Variants in ZNF385D observed in about 807,000 individuals in gnomAD.
ZNF385D encodes the protein zinc finger protein 385D.
A neutral mutation model predicts 35.8 loss-of-function variants in ZNF385D; 15 were observed. That is an observed-to-expected ratio of 0.42 (90% CI 0.28 to 0.64). The LOEUF is 0.64. Among genes scored for constraint, ZNF385D ranks in the 30% least tolerant of loss-of-function variants. ZNF385D has a pLI of 0.23. For synonymous variants in ZNF385D, 212 were observed against 186.8 expected, an observed-to-expected ratio of 1.13 and a Z score of -1.10; for missense variants, 474 against 494.6, an observed-to-expected ratio of 0.96 and a Z score of 0.39.
chr3:21,622,735 A>T (rs943788833), intron 2 of ZNF385D, among the ~76,000 whole-genome samples: 1 of 152,058 alleles, frequency 6.6e-6, no homozygotes, highest in African/African-American at 2.4e-5. Flanking sequence ...TTTTCATCTA[A>T]AATAATGTGG....
At chr3:22,126,888 T>C (rs948501859) in intron 3 of ZNF385D, among the ~76,000 whole-genome samples, 1 of 152,154 alleles carries the variant, frequency 6.6e-6, no homozygotes, top group African/African-American at 2.4e-5. Flanking sequence ...AATTGGTATA[T>C]CATCTTGATG....
chr3:21,831,864 T>C (rs537150471), intron 3 of ZNF385D, among the ~76,000 whole-genome samples: 2 of 152,304 alleles, frequency 1.3e-5, no homozygotes, highest in African/African-American at 4.8e-5. Flanking sequence ...TGTACTGATA[T>C]CAAAATAAGC....
intron 4 of ZNF385D, among the ~76,000 whole-genome samples, chr3:21,456,898 C>A (rs1013045307): frequency 6.6e-6 from 1 of 152,064 alleles, no homozygotes; most frequent in Admixed American, 6.6e-5. Flanking sequence ...AAATTGCTAC[C>A]TTTCTACCCA....
chr3:21,785,441 T>C (rs1277516930), intron 3 of ZNF385D, among the ~76,000 whole-genome samples: 7 of 152,148 alleles, frequency 4.6e-5, no homozygotes, highest in Non-Finnish European at 1.0e-4. Context: ...ATTTGCCCTC[T>C]TAGCAAATTT....
chr3:22,244,598 C>T (rs1271173181), intron 2 of ZNF385D, among the ~76,000 whole-genome samples: 2 of 150,780 alleles, frequency 1.3e-5, no homozygotes, highest in African/African-American at 2.5e-5. Context: ...AGTACATCAG[C>T]TCTCAAAGTA....
chr3:22,045,560 T>C (rs1698945226), intron 3 of ZNF385D, among the ~76,000 whole-genome samples: 2 of 152,132 alleles, frequency 1.3e-5, no homozygotes, highest in Admixed American at 1.3e-4. Flanking sequence ...AGGTGTGAGT[T>C]CTTCATGTGC....
chr3:21,945,145 C>T (rs1615087), intron 3 of ZNF385D, among the ~76,000 whole-genome samples: 91,515 of 151,108 alleles, frequency 0.61, 28,128 homozygotes, highest in South Asian at 0.74. Context: ...TATGTATATG[C>T]ATATATATAT....
chr3:22,026,156 C>T (rs185566420), intron 3 of ZNF385D, among the ~76,000 whole-genome samples: 1 of 152,118 alleles, frequency 6.6e-6, no homozygotes, highest in Admixed American at 6.5e-5. Context: ...GCATTCCTAC[C>T]TACATTATAC....
intron 2 of ZNF385D, among the ~76,000 whole-genome samples, chr3:21,641,545 T>C (rs534301368): frequency 2.2e-4 from 34 of 151,954 alleles, no homozygotes. Flanking sequence ...ATTACATCTC[T>C]CCGTTCTCTC....
Position 22,015,223 on chromosome 3 carries a change from G to A in ZNF385D, c.325+153594C>T, listed in dbSNP as rs374806974. Reference sequence around the variant, plus strand: ...CATTAAACATGATGTCAGCTGATGCGTTTTATAGCAGCACTTTATCAATTT... The same window carrying A: ...CATTAAACATGATGTCAGCTGATGCATTTTATAGCAGCACTTTATCAATTT... On this transcript the variant is annotated intron_variant, in intron 3 of 5. Transcript: ENST00000494108. 2.7e-4 allele frequency among the ~76,000 whole-genome samples: 41 copies of A among 152,180 alleles called. No individual in the cohort carries two copies. In the East Asian group the frequency reaches 4.4e-3, roughly 16 times the overall value.
intron 2 of ZNF385D, among the ~76,000 whole-genome samples, chr3:22,181,945 C>G (rs779461009): frequency 2.2e-4 from 34 of 152,124 alleles, no homozygotes; most frequent in African/African-American, 8.2e-4. Flanking sequence ...TGGCCAACAA[C>G]CAGTCAAAAA....
intron 3 of ZNF385D, among the ~76,000 whole-genome samples, chr3:21,987,098 C>A (rs1263535882): frequency 8.3e-6 from 1 of 120,192 alleles, no homozygotes. Flanking sequence ...ATACAGCACA[C>A]TGATGGGTCT....
intron 2 of ZNF385D, among the ~76,000 whole-genome samples, chr3:22,268,552 AG>A (rs1274873642): frequency 6.6e-6 from 1 of 152,056 alleles, no homozygotes; most frequent in Non-Finnish European, 1.5e-5. Context: ...AAAAGCAGTA[AG>A]GGGCAATATG....
At chr3:21,825,969 A>G (rs1342445070) in intron 3 of ZNF385D, among the ~76,000 whole-genome samples, 1 of 152,178 alleles carries the variant, frequency 6.6e-6, no homozygotes, top group Non-Finnish European at 1.5e-5. Context: ...CGAGGGATCT[A>G]GGTTGGGGCT....
At chr3:22,361,223 G>C (rs1483913017) in intron 2 of ZNF385D, among the ~76,000 whole-genome samples, 1 of 152,012 alleles carries the variant, frequency 6.6e-6, no homozygotes, top group Non-Finnish European at 1.5e-5. Context: ...AATGTGGCAA[G>C]ACTAAATAGA....
intron 3 of ZNF385D, among the ~76,000 whole-genome samples, chr3:22,166,175 G>A (rs1042002112): frequency 3.3e-5 from 5 of 152,114 alleles, no homozygotes; most frequent in South Asian, 2.1e-4. Context: ...GTTGTTTTTC[G>A]TGGCCTACAT....
At chr3:21,620,791 G>A (rs1486903233) in intron 2 of ZNF385D, among the ~76,000 whole-genome samples, 2 of 152,116 alleles carry the variant, frequency 1.3e-5, no homozygotes, top group African/African-American at 4.8e-5. Context: ...TCAGTAAGAG[G>A]CATTTTCCAC....
At chr3:21,895,077 T>A (rs950596239) in intron 3 of ZNF385D, among the ~76,000 whole-genome samples, 6 of 151,874 alleles carry the variant, frequency 4.0e-5, no homozygotes, top group African/African-American at 1.5e-4. Context: ...AAAATAAGAA[T>A]CTGTGGTGTG....
intron 2 of ZNF385D, among the ~76,000 whole-genome samples, chr3:22,181,686 A>C (rs1249299340): frequency 7.1e-6 from 1 of 140,808 alleles, no homozygotes; most frequent in African/African-American, 2.7e-5. Context: ...CGAAAGAGTG[A>C]GACTCCGTCT....
Sources: gnomAD v4.1 joint callset for allele counts (sites outside exome capture counted in the v4.1 genomes callset) on GRCh38, gnomAD v4.1.1 for gene constraint, MANE v1.5 for transcripts, NCBI Gene and HGNC (gene_info 2026-07-23, HGNC 2026-07-21) for gene names.